AQP5: variants seen among roughly 807,000 people sequenced by gnomAD.
AQP5 encodes the protein aquaporin 5, also known as aquaporin-5.
AQP5 carries 15 observed loss-of-function variants against 19.1 expected under a neutral mutation model. The observed-to-expected ratio is 0.79, with a 90% CI of 0.53 to 1.21. The LOEUF is 1.21. AQP5 is among the 50% of genes most tolerant of loss of function. The probability of loss-of-function intolerance (pLI) is 0.00; values close to 1 mark genes in which losing one functional copy is unlikely to be tolerated. For synonymous variants in AQP5, 182 were observed against 160.3 expected (o/e 1.14, Z -1.02); for missense variants, 355 against 357.1 (o/e 0.99, Z 0.05).
rs1947455862 is a variant in AQP5 at position 49,963,721 on chromosome 12, C to T, written c.528+65C>T. 5 of 1,561,168 alleles carry T rather than the reference C, an allele frequency of 3.2e-6. No homozygotes were observed. The Admixed American group carries it at 8.9e-5, about 28-fold the overall frequency. ...AGGCACTCAAGGCAAATAATGGAGC[C>T]CTGGAGCGGAGCCCACTTCAGATGG... On this transcript the variant is annotated intron_variant, in intron 2 of 3. Transcript: ENST00000293599.
Position 49,965,282 on chromosome 12 carries a change from G to A in AQP5, c.*105G>A. The A allele has an allele frequency of 7.6e-7, 1 of 1,316,006 alleles. No homozygotes were observed. The highest frequency in any genetic ancestry group is 1.0e-6 in the Non-Finnish European group (1 of 991,318). The allele number at this position is 1,316,006 out of a possible 1,614,324, so 81.5% of individuals were successfully genotyped here. A position where few individuals can be genotyped will look rare whatever the true frequency, so the allele number is the denominator to read the frequency against. ...TTTTGCACAACCGGTCCTCTTGGCT[G>A]AGGAGGAGGAGCTGGTCACCCTGGC... On this transcript the variant is annotated 3_prime_UTR_variant, in exon 4 of 4. Transcript: ENST00000293599.
At position 49,964,117 on chromosome 12, in the gene AQP5, A is replaced by G; in HGVS notation, c.554A>G (p.Asn185Ser). The G allele has an allele frequency of 6.2e-7, 1 of 1,613,928 alleles. No individual in the cohort carries two copies. The change falls in exon 3 of 4, where the codon AAC becomes AGC. Residue 185 changes from asparagine to serine, a missense_variant. Physicochemically the swap from Asn to Ser is conservative, Grantham distance 46. Coordinates refer to ENST00000293599, the MANE Select transcript of AQP5 (RefSeq NM_001651.4). ...VGIYFTGCSM[N>S]PARSFGPAVV... The stretch of plus-strand genomic sequence containing the variant: ...ATCTACTTCACTGGCTGCTCCATGA[A>G]CCCAGCCCGCTCTTTTGGCCCTGCG...
At chr12:49,962,801 C>T (rs1947444513) in intron 1 of AQP5, 1 of 175,430 alleles carries the variant, frequency 5.7e-6, no homozygotes. Context: ...CTTCATTGTT[C>T]TCAGCGCCTC....
In AQP5 at chr12:49,961,917, G is replaced by T. The variant is rs2137156646; in HGVS notation, c.-101G>T. On this transcript the variant is annotated 5_prime_UTR_variant, in exon 1 of 4. Coordinates refer to ENST00000293599, the MANE Select transcript of AQP5 (RefSeq NM_001651.4). ...GGCGCGGGACAGTGCGCGGCGCCCC[G>T]CAGCCAGGCCCCCGCCCCCGCCGCA... 7.2e-6 allele frequency: 5 copies of T among 694,832 alleles called. No homozygotes were observed. In the South Asian group the frequency reaches 3.3e-4, roughly 46 times the overall value. The allele number at this position is 694,832 out of a possible 1,614,324, so 43.0% of individuals were successfully genotyped here.
chr12:49,962,003 G>T lies in AQP5; in HGVS notation c.-15G>T, dbSNP rs750769881. 3.7e-6 allele frequency: 5 copies of T among 1,366,532 alleles called. No homozygotes were observed. The highest frequency in any genetic ancestry group is 9.5e-7 in the Non-Finnish European group (1 of 1,053,108). The allele number at this position is 1,366,532 out of a possible 1,614,324, so 84.7% of individuals were successfully genotyped here. On this transcript the variant is annotated 5_prime_UTR_variant, in exon 1 of 4. Coordinates refer to ENST00000293599, the MANE Select transcript of AQP5 (RefSeq NM_001651.4). ...CCCCCGCCGCGGCAGCTGCCGCCGG[G>T]CCCCCGCGGCCACCATGAAGAAGGA... is the stretch of plus-strand genomic sequence containing the variant.
Position 49,962,391 on chromosome 12 carries a change from TG to T in AQP5, c.363+21del, listed in dbSNP as rs3832811. 306,023 of 1,535,350 alleles carry T rather than the reference TG, an allele frequency of 0.2. 30,941 individuals carry two copies. The highest frequency in any genetic ancestry group is 0.36 in the East Asian group (14,917 of 41,250). On this transcript the variant is annotated intron_variant, in intron 1 of 3. Transcript: ENST00000293599. ...CTGGCCGTCAACGCGGTGAGTGCCC[TG>T]GGGGGGGGGTGGGAGCCTCGACCCT...
rs141232951 is a variant in AQP5 at position 49,965,453 on chromosome 12, G to T, written c.*276G>T. On this transcript the variant is annotated 3_prime_UTR_variant, in exon 4 of 4. Transcript: ENST00000293599. ...CAAGCTCACAGGCTGCAAGGGCCAG[G>T]CCAGAAAAGGGCGGGCCTGCAGCCT... The T allele has an allele frequency of 1.4e-4, 44 of 320,198 alleles. 1 individual carries two copies. In the South Asian group the frequency reaches 2.0e-3, roughly 14 times the overall value. The allele number at this position is 320,198 out of a possible 1,614,324, so 19.8% of individuals were successfully genotyped here. A position where few individuals can be genotyped will look rare whatever the true frequency, so the allele number is the denominator to read the frequency against.
Position 49,962,228 on chromosome 12 carries a change from G to A in AQP5, c.211G>A (p.Ala71Thr). 2.5e-6 allele frequency: 4 copies of A among 1,606,436 alleles called. No individual in the cohort carries two copies. The highest frequency in any genetic ancestry group is 1.7e-4 in the Middle Eastern group (1 of 5,826). Residue 71 changes from alanine to threonine, a missense_variant, in exon 1 of 4, where the codon GCC becomes ACC. Transcript: ENST00000293599. ...CGTGAGCGGCGGCCACATCAACCCC[G>A]CCATCACCCTGGCCCTCTTGGTGGG... is the stretch of plus-strand genomic sequence containing the variant. Reference protein sequence around the residue: ...GPVSGGHINPAITLALLVGNQ... With the variant: ...GPVSGGHINPTITLALLVGNQ...
chr12:49,964,218 G>A (rs1474411890), intron 3 of AQP5, 43 bp downstream of exon 3: 5 of 1,587,348 alleles, frequency 3.1e-6, no homozygotes, highest in Non-Finnish European at 4.3e-6. Flanking sequence ...ATGAGGGCCT[G>A]GAGACCCAGC....
At chr12:49,964,253 C>A in intron 3 of AQP5, 78 bp downstream of exon 3, 2 of 1,471,822 alleles carry the variant, frequency 1.4e-6, no homozygotes, top group South Asian at 1.1e-5. Flanking sequence ...GCTCACCAGA[C>A]CTGGATTCTG....
chr12:49,964,142 G>A lies in AQP5; in HGVS notation c.579G>A (p.Ala193=), dbSNP rs751934007. ...ACCCAGCCCGCTCTTTTGGCCCTGCGGTGGTCATGAATCGGTTCAGCCCCG... is the reference window on the plus strand; with the variant it reads ...ACCCAGCCCGCTCTTTTGGCCCTGCAGTGGTCATGAATCGGTTCAGCCCCG... The part of the protein sequence containing the change: ...SMNPARSFGP[A]VVMNRFSPAH... The change falls in exon 3 of 4, where the codon GCG becomes GCA. Residue 193 remains alanine (A), a synonymous_variant. Coordinates refer to ENST00000293599, the MANE Select transcript of AQP5 (RefSeq NM_001651.4). 8 of 1,614,040 alleles carry A rather than the reference G, an allele frequency of 5.0e-6. No individual in the cohort carries two copies. Among genetic ancestry groups the A allele is most frequent in the South Asian group, 4.4e-5 (4 of 91,094 alleles).
At chr12:49,964,801 T>G in intron 3 of AQP5, 191 bp from the exon 4 acceptor site, 1 of 985,348 alleles carries the variant, frequency 1.0e-6, no homozygotes, top group Non-Finnish European at 1.2e-6. Context: ...GTGGTCCATG[T>G]CTCTGTCCCT....
In AQP5 at chr12:49,964,142, G is replaced by C; in HGVS notation, c.579G>C (p.Ala193=). The C allele has an allele frequency of 6.2e-7, 1 of 1,614,158 alleles. No individual in the cohort carries two copies. The highest frequency in any genetic ancestry group is 1.7e-5 in the Admixed American group (1 of 60,028). ...SMNPARSFGP[A]VVMNRFSPAH... ...ACCCAGCCCGCTCTTTTGGCCCTGCGGTGGTCATGAATCGGTTCAGCCCCG... is the reference window on the plus strand; with the variant it reads ...ACCCAGCCCGCTCTTTTGGCCCTGCCGTGGTCATGAATCGGTTCAGCCCCG... The change falls in exon 3 of 4, where the codon GCG becomes GCC. Residue 193 remains alanine, a synonymous_variant. Transcript: ENST00000293599.
intron 1 of AQP5, 45 bp from the exon 2 acceptor site, chr12:49,963,447 A>G (rs1410966282): frequency 1.2e-6 from 2 of 1,600,476 alleles, no homozygotes; most frequent in South Asian, 1.1e-5. Flanking sequence ...CCCTGGCTAT[A>G]CAGCCAGAAG....
chr12:49,962,750 G>A (rs188478315), intron 1 of AQP5: 6 of 210,046 alleles, frequency 2.9e-5, no homozygotes, highest in East Asian at 2.1e-4. Flanking sequence ...AGAGAAAAGC[G>A]GGCTGTCATC....
Position 49,961,962 on chromosome 12 carries a change from G to T in AQP5, c.-56G>T, listed in dbSNP as rs1200123242. 1.6e-6 allele frequency: 2 copies of T among 1,237,968 alleles called. No individual in the cohort carries two copies. The highest frequency in any genetic ancestry group is 1.6e-5 in the African/African-American group (1 of 63,622). The allele number at this position is 1,237,968 out of a possible 1,614,324, so 76.7% of individuals were successfully genotyped here. A position where few individuals can be genotyped will look rare whatever the true frequency, so the allele number is the denominator to read the frequency against. On this transcript the variant is annotated 5_prime_UTR_variant, in exon 1 of 4. Transcript: ENST00000293599. ...GCCGCATCCACCTCCTCCGCCGCCT[G>T]CGACCCAACGGGCGCCCCCCGCCGC...
Position 49,965,174 on chromosome 12 carries a change from C to G in AQP5, c.795C>G (p.Arg265=). 3 of 1,608,326 alleles carry G rather than the reference C, an allele frequency of 1.9e-6. No homozygotes were observed. Among genetic ancestry groups the G allele is most frequent in the Non-Finnish European group, 2.5e-6 (3 of 1,177,386 alleles). ...ERKKTMELTT[R] is the part of the protein sequence containing the mutation. ...AGAAGACCATGGAGCTGACCACCCG[C>G]TGACCAGTGTCAGGCAGGGGCCAGC... Residue 265 remains arginine, a synonymous_variant, in exon 4 of 4, where the codon CGC becomes CGG. Coordinates refer to ENST00000293599, the MANE Select transcript of AQP5 (RefSeq NM_001651.4).
At chr12:49,962,404 G>A (rs752629205) in intron 1 of AQP5, 24 bp downstream of exon 1, 5 of 1,532,986 alleles carry the variant, frequency 3.3e-6, no homozygotes, top group African/African-American at 1.4e-5. Context: ...GGGGGGGGTG[G>A]GAGCCTCGAC....
chr12:49,962,137 T>C lies in AQP5; in HGVS notation c.120T>C (p.Pro40=). The C allele has an allele frequency of 1.2e-6, 2 of 1,613,222 alleles. No homozygotes were observed. The highest frequency in any genetic ancestry group is 2.2e-5 in the East Asian group (1 of 44,848). ...GSALKWPSAL[P]TILQIALAFG... is the part of the protein sequence containing the mutation. ...CCCTCAAGTGGCCGTCGGCGCTGCC[T>C]ACCATCCTGCAGATCGCGCTGGCGT... Residue 40 remains proline, a synonymous_variant, in exon 1 of 4, where the codon CCT becomes CCC. Coordinates refer to ENST00000293599, the MANE Select transcript of AQP5 (RefSeq NM_001651.4).
Sources: gnomAD v4.1 joint callset for allele counts on GRCh38, gnomAD v4.1.1 for gene constraint, MANE v1.5 for transcripts, NCBI Gene and HGNC (gene_info 2026-07-23, HGNC 2026-07-21) for gene names.